The following TLL2 variants were observed in gnomAD, a reference collection of about 807,000 sequenced individuals.
TLL2 encodes tolloid like 2, also known as tolloid-like protein 2.
In TLL2, 106 loss-of-function variants were observed where a neutral mutation model predicts 123.0. The observed-to-expected ratio is 0.86, with a 90% CI of 0.74 to 1.01. The LOEUF is 1.01. TLL2 is among the 50% of genes least tolerant of loss of function. TLL2 has a pLI of 0.00. For synonymous variants in TLL2, 494 were observed against 516.8 expected, an observed-to-expected ratio of 0.96 and a Z score of 0.60; for missense variants, 1,332 against 1,336.7, an observed-to-expected ratio of 1.00 and a Z score of 0.06.
chr10:96,386,627 T>C (rs1846236520), intron 14 of TLL2, among the ~76,000 whole-genome samples: 1 of 152,230 alleles, frequency 6.6e-6, no homozygotes, highest in African/African-American at 2.4e-5. Flanking sequence ...AAAAGTGCTA[T>C]CGGTTGAGTC....
chr10:96,482,884 C>G (rs933302779), intron 1 of TLL2, among the ~76,000 whole-genome samples: 10 of 152,182 alleles, frequency 6.6e-5, no homozygotes, highest in Admixed American at 5.2e-4. Context: ...AAGATGGTAC[C>G]TGGTAAATCC....
chr10:96,415,729 G>GTCTCTCTCTCTCTGTC (rs149968045), intron 7 of TLL2, among the ~76,000 whole-genome samples: 1 of 8,578 alleles, frequency 1.2e-4, no homozygotes, highest in African/African-American at 5.1e-4. Flanking sequence ...CTCTCTCTCT[G>GTCTCTCTCTCTCTGTC]TCTCTCTCTG....
At chr10:96,497,519 A>T (rs1262153416) in intron 1 of TLL2, among the ~76,000 whole-genome samples, 1 of 152,012 alleles carries the variant, frequency 6.6e-6, no homozygotes, top group Non-Finnish European at 1.5e-5. Flanking sequence ...CCAGGAAGAG[A>T]TCTTGGCAGA....
chr10:96,503,378 T>C (rs994883973), intron 1 of TLL2, among the ~76,000 whole-genome samples: 2 of 152,214 alleles, frequency 1.3e-5, no homozygotes, highest in East Asian at 3.8e-4. Context: ...AACAAGATTA[T>C]ATGATGGGTT....
chr10:96,513,784 C>A lies in TLL2; in HGVS notation c.-99G>T. 7.8e-7 allele frequency: 1 copy of A among 1,277,014 alleles called. No individual in the cohort carries two copies. The highest frequency in any genetic ancestry group is 1.0e-6 in the Non-Finnish European group (1 of 969,352). 79.1% of individuals were successfully genotyped at this position (1,277,014 alleles called of 1,614,324 possible). On this transcript the variant is annotated 5_prime_UTR_variant, in exon 1 of 21. Transcript: ENST00000357947. ...CTGGGTCGGTCGGCTCCGGCCGGGA[C>A]TCGGTGGTTACACAGGGCTGCTGGG...
chr10:96,409,001 G>A (rs1459756933), intron 9 of TLL2, among the ~76,000 whole-genome samples: 1 of 152,214 alleles, frequency 6.6e-6, no homozygotes, highest in African/African-American at 2.4e-5. Flanking sequence ...TACAGAAAAT[G>A]CTCACAATGG....
chr10:96,501,806 G>T, intron 1 of TLL2, among the ~76,000 whole-genome samples: 1 of 152,196 alleles, frequency 6.6e-6, no homozygotes, highest in Non-Finnish European at 1.5e-5. Flanking sequence ...TACCCTTTCT[G>T]AATCCCTCTG....
rs1414950820 is a variant in TLL2, at chr10:96,386,112, G to A, written c.1956C>T (p.Ala652=). ...GAAGGGAGATCCGGTACTGAGCGGG[G>A]GCCACCACCTGCCAGACACAGTTTT... ...TNKNCVWQVV[A]PAQYRISLQF... Residue 652 remains alanine (A), a synonymous_variant, in exon 15 of 21, where the codon GCC becomes GCT. Coordinates refer to ENST00000357947, the MANE Select transcript of TLL2 (RefSeq NM_012465.4). The A allele has an allele frequency of 1.9e-6, 3 of 1,612,906 alleles. No homozygotes were observed. Among genetic ancestry groups the A allele is most frequent in the South Asian group, 1.1e-5 (1 of 90,878 alleles).
At chr10:96,505,036 A>AATAAATAG (rs1200756500) in intron 1 of TLL2, among the ~76,000 whole-genome samples, 1 of 151,994 alleles carries the variant, frequency 6.6e-6, no homozygotes, top group Non-Finnish European at 1.5e-5. Context: ...TAAATAAATA[A>AATAAATAG]ATAAATAAAT....
In TLL2 at chr10:96,410,413, C is replaced by T. The variant is rs371618414; in HGVS notation, c.1110G>A (p.Gly370=). Residue 370 remains glycine (G), a synonymous_variant, in exon 9 of 21, where the codon GGG becomes GGA. Transcript: ENST00000357947. The part of the protein sequence containing the change: ...GNFSAPGFPN[G]YPSYSHCVWR... Reference sequence around the variant, plus strand: ...AGACGCAGTGGGAGTAAGATGGGTACCCATTTGGGAAACCAGGTGCAGAAA... The same window carrying T: ...AGACGCAGTGGGAGTAAGATGGGTATCCATTTGGGAAACCAGGTGCAGAAA... The T allele has an allele frequency of 4.7e-5, 76 of 1,613,898 alleles. No individual in the cohort carries two copies. The highest frequency in any genetic ancestry group is 2.1e-4 in the African/African-American group (16 of 74,888).
At chr10:96,458,199 C>A (rs952840448) in intron 2 of TLL2, among the ~76,000 whole-genome samples, 89 of 152,060 alleles carry the variant, frequency 5.9e-4, no homozygotes, top group African/African-American at 2.1e-3. Flanking sequence ...GGTGATGAGA[C>A]AACCACTACC....
At chr10:96,441,972 G>T (rs959155880) in intron 3 of TLL2, among the ~76,000 whole-genome samples, 1 of 152,194 alleles carries the variant, frequency 6.6e-6, no homozygotes, top group Non-Finnish European at 1.5e-5. Context: ...TACTGAAAGT[G>T]AAAGGTCCAT....
intron 2 of TLL2, among the ~76,000 whole-genome samples, chr10:96,476,428 T>G (rs1847252732): frequency 6.6e-6 from 1 of 150,956 alleles, no homozygotes; most frequent in Non-Finnish European, 1.5e-5. Context: ...GCCCGGCTAA[T>G]TTTTGTATTT....
In TLL2 at chr10:96,370,176, T is replaced by C; in HGVS notation, c.2802A>G (p.Thr934=). ...CCTCCTCAACCTCAAAGGTCCGGAA[T>C]GTCAGCTCCACGCCGTAGCCGTCCT... is the stretch of plus-strand genomic sequence containing the variant. ...VAEDGYGVEL[T]FRTFEVEEEA... The change falls in exon 20 of 21, where the codon ACA becomes ACG. Residue 934 remains threonine (T), a synonymous_variant. Transcript: ENST00000357947. The C allele has an allele frequency of 6.2e-7, 1 of 1,614,142 alleles. No homozygotes were observed. The highest frequency in any genetic ancestry group is 8.5e-7 in the Non-Finnish European group (1 of 1,180,002).
chr10:96,465,190 A>T (rs1335157843), intron 2 of TLL2, among the ~76,000 whole-genome samples: 2 of 151,478 alleles, frequency 1.3e-5, no homozygotes, highest in African/African-American at 2.4e-5. Flanking sequence ...GTTCAAGAAG[A>T]ACTGCAGAGC....
At position 96,512,258 on chromosome 10, in the gene TLL2, C is replaced by T. The variant is rs184445855; in HGVS notation, c.175+1253G>A. Among the ~76,000 whole-genome samples, 462 of 152,328 alleles carry T rather than the reference C, an allele frequency of 3.0e-3. 16 individuals are homozygous for T. The highest frequency in any genetic ancestry group is 0.029 in the Admixed American group (442 of 15,300). On this transcript the variant is annotated intron_variant, in intron 1 of 20. Coordinates refer to ENST00000357947, the MANE Select transcript of TLL2 (RefSeq NM_012465.4). ...ACCCAGTTCTGACCCTCCCAACCCC[C>T]AGCCTAGACCCGAGCCACTGCAGTG...
chr10:96,480,447 C>T lies in TLL2; in HGVS notation c.188G>A (p.Gly63Glu), dbSNP rs765631600. Residue 63 changes from glycine to glutamate, a missense_variant, in exon 2 of 21, where the codon GGA (glycine) becomes GAA (glutamate). Physicochemically the swap from Gly to Glu is moderately conservative, Grantham distance 98. Coordinates refer to ENST00000357947, the MANE Select transcript of TLL2 (RefSeq NM_012465.4). ...HDPCKAAVFW[G>E]DIALDEDDLK... ...GTCATCTTCATCTAAGGCAATGTCT[C>T]CCCAAAAGACAGCTGGGAAGGAAAC... 16 of 1,613,940 alleles carry T rather than the reference C, an allele frequency of 9.9e-6. No homozygotes were observed. Among genetic ancestry groups the T allele is most frequent in the Non-Finnish European group, 1.2e-5 (14 of 1,179,854 alleles).
chr10:96,410,998 T>C (rs1244358569), intron 8 of TLL2, among the ~76,000 whole-genome samples: 2 of 152,062 alleles, frequency 1.3e-5, no homozygotes, highest in East Asian at 1.9e-4. Flanking sequence ...TCTCAGCACT[T>C]TGGGAGGCCA....
intron 9 of TLL2, among the ~76,000 whole-genome samples, chr10:96,408,141 C>A (rs1408791432): frequency 6.6e-6 from 1 of 152,224 alleles, no homozygotes; most frequent in Non-Finnish European, 1.5e-5. Context: ...AGCTTAGTAA[C>A]ACCTGTAAGC....
Sources: allele counts gnomAD v4.1 joint callset (sites outside exome capture counted in the v4.1 genomes callset), GRCh38; gene constraint gnomAD v4.1.1; transcripts MANE v1.5; gene names NCBI Gene and HGNC (gene_info 2026-07-23, HGNC 2026-07-21).